The following PCDHA9 variants were observed in gnomAD, a reference collection of about 807,000 sequenced individuals.
The protein encoded by PCDHA9 is protocadherin alpha 9.
In PCDHA9, 62 loss-of-function variants were observed where a neutral mutation model predicts 62.0. The observed-to-expected ratio is 1.00, with a 90% CI of 0.81 to 1.23. The LOEUF (loss-of-function observed/expected upper bound fraction) is 1.23, where lower values mean the gene tolerates loss of function less well. Among genes scored for constraint, PCDHA9 ranks in the 50% most tolerant of loss-of-function variants. The probability of loss-of-function intolerance (pLI) is 0.00; values close to 1 mark genes in which losing one functional copy is unlikely to be tolerated. For missense variants in PCDHA9, 1,205 were observed against 1,249.8 expected, an observed-to-expected ratio of 0.96 and a Z score of 0.54; for synonymous variants, 557 against 567.6, an observed-to-expected ratio of 0.98 and a Z score of 0.27.
chr5:140,889,441 C>G (rs2062226063), intron 1 of PCDHA9, among the ~76,000 whole-genome samples: 2 of 151,842 alleles, frequency 1.3e-5, no homozygotes, highest in African/African-American at 2.4e-5. Flanking sequence ...CAGGTATTTT[C>G]CTGTTTAATC....
chr5:141,010,118 T>C lies in PCDHA9; in HGVS notation c.*181T>C. 6.2e-7 allele frequency: 1 copy of C among 1,608,728 alleles called. No homozygotes were observed. The highest frequency in any genetic ancestry group is 8.5e-7 in the Non-Finnish European group (1 of 1,177,116). ...TTAACAGGTTTTGTCGTAAAAGCTT[T>C]ACTAAGTCTGGTGTTAACTCTTTCT... On this transcript the variant is annotated 3_prime_UTR_variant, in exon 4 of 4. Transcript: ENST00000532602.
At chr5:140,876,433 A>G (rs1562712994) in intron 1 of PCDHA9, 19 of 1,614,000 alleles carry the variant, frequency 1.2e-5, no homozygotes, top group Non-Finnish European at 1.6e-5. Flanking sequence ...AATTCAGGTT[A>G]ACGCCATTGA....
At chr5:140,863,416 C>G (rs782237036) in intron 1 of PCDHA9, 14 of 719,640 alleles carry the variant, frequency 1.9e-5, no homozygotes, top group African/African-American at 3.6e-5. Context: ...GCTGGTGTAC[C>G]GCAGCGTAGT....
intron 1 of PCDHA9, among the ~76,000 whole-genome samples, chr5:140,936,829 CTA>C (rs1370139349): frequency 5.9e-5 from 9 of 152,026 alleles, no homozygotes; most frequent in African/African-American, 1.7e-4. Flanking sequence ...CTTTGCATTT[CTA>C]TATAAATTGT....
intron 1 of PCDHA9, among the ~76,000 whole-genome samples, chr5:140,977,308 A>G (rs2096754925): frequency 6.6e-6 from 1 of 152,230 alleles, no homozygotes; most frequent in South Asian, 2.1e-4. Context: ...CAAGCTAACG[A>G]TAGTGCTCCT....
chr5:140,983,113 A>G (rs2097027812), intron 3 of PCDHA9, among the ~76,000 whole-genome samples: 2 of 152,254 alleles, frequency 1.3e-5, no homozygotes, highest in Admixed American at 6.5e-5. Context: ...CTGCACATCA[A>G]CAACATTCTG....
At chr5:140,943,893 A>AT (rs1364551909) in intron 1 of PCDHA9, among the ~76,000 whole-genome samples, 3 of 152,226 alleles carry the variant, frequency 2.0e-5, no homozygotes, top group Non-Finnish European at 4.4e-5. Flanking sequence ...ACTGGTCATT[A>AT]TGATGTCATG....
At chr5:140,861,535 G>A (rs1014652583) in intron 1 of PCDHA9, 3 of 446,466 alleles carry the variant, frequency 6.7e-6, no homozygotes, top group East Asian at 1.3e-4. Context: ...TCGGAGTGCA[G>A]CATCCACCTG....
At chr5:140,969,235 A>G (rs781795606) in intron 1 of PCDHA9, 2 of 1,614,206 alleles carry the variant, frequency 1.2e-6, no homozygotes, top group Non-Finnish European at 1.7e-6. Flanking sequence ...CGGGAGCCCA[A>G]GCAGCAGTGA....
At chr5:140,945,481 C>T (rs269552) in intron 1 of PCDHA9, among the ~76,000 whole-genome samples, 33,891 of 151,742 alleles carry the variant, frequency 0.22, 4,873 homozygotes, top group African/African-American at 0.41. Flanking sequence ...ACAAAACACC[C>T]CAAATACCCA....
At position 141,009,749 on chromosome 5, in the gene PCDHA9, A is replaced by G. The variant is rs2098414176; in HGVS notation, c.2665A>G (p.Ile889Val). Residue 889 changes from isoleucine to valine, a missense_variant, in exon 4 of 4, where the codon ATT (isoleucine) becomes GTT (valine). Ile to Val is a conservative substitution (Grantham distance 29). Transcript: ENST00000532602. ...SGPGELPDKFIIPGSPAIISI... is the reference protein window; with the variant it reads ...SGPGELPDKFVIPGSPAIISI... The stretch of plus-strand genomic sequence containing the variant: ...TCCCGGTGAGTTGCCCGACAAATTC[A>G]TTATCCCAGGATCTCCTGCAATCAT... 3 of 1,614,200 alleles carry G rather than the reference A, an allele frequency of 1.9e-6. No homozygotes were observed. The highest frequency in any genetic ancestry group is 1.6e-4 in the Middle Eastern group (1 of 6,062).
At chr5:140,948,861 A>G (rs1298940496) in intron 1 of PCDHA9, among the ~76,000 whole-genome samples, 1 of 151,528 alleles carries the variant, frequency 6.6e-6, no homozygotes, top group African/African-American at 2.4e-5. Flanking sequence ...TTCTTATATT[A>G]CTTCGGGTTT....
chr5:140,983,399 G>C (rs1486206101), intron 3 of PCDHA9, among the ~76,000 whole-genome samples: 1 of 152,148 alleles, frequency 6.6e-6, no homozygotes, highest in East Asian at 1.9e-4. Context: ...TTTCAGAAAG[G>C]GAAGATTAAG....
chr5:140,896,074 A>C (rs1251086240), intron 1 of PCDHA9, among the ~76,000 whole-genome samples: 1 of 151,976 alleles, frequency 6.6e-6, no homozygotes, highest in African/African-American at 2.4e-5. Context: ...GCCTCCCAAC[A>C]TGCTGGGATT....
intron 3 of PCDHA9, among the ~76,000 whole-genome samples, chr5:140,997,397 A>G (rs782082443): frequency 4.6e-5 from 7 of 152,194 alleles, no homozygotes; most frequent in African/African-American, 7.2e-5. Flanking sequence ...CTTAGGCTCT[A>G]TCGTATGGCC....
chr5:140,967,665 C>A, intron 1 of PCDHA9: 1 of 1,614,154 alleles, frequency 6.2e-7, no homozygotes, highest in Non-Finnish European at 8.5e-7. Context: ...AGCAGCTACA[C>A]GTCGGACCGG....
chr5:140,959,592 G>A (rs2095498598), intron 1 of PCDHA9, among the ~76,000 whole-genome samples: 2 of 152,162 alleles, frequency 1.3e-5, no homozygotes, highest in South Asian at 4.1e-4. Flanking sequence ...TATCAGCCAA[G>A]TATAACATGC....
At chr5:140,864,277 T>A (rs1203382304) in intron 1 of PCDHA9, 6 of 152,228 alleles carry the variant, frequency 3.9e-5, no homozygotes, top group South Asian at 2.1e-4. Context: ...CTCCATTCCT[T>A]ATTGTTTTTA....
chr5:140,928,540 G>T lies in PCDHA9; in HGVS notation c.2395-50409G>T, dbSNP rs1554205973. 4 of 1,614,094 alleles carry T rather than the reference G, an allele frequency of 2.5e-6. No homozygotes were observed. In the Admixed American group the frequency reaches 5.0e-5, roughly 20 times the overall value. On this transcript the variant is annotated intron_variant, in intron 1 of 3. Coordinates refer to ENST00000532602, the MANE Select transcript of PCDHA9 (RefSeq NM_031857.2). The stretch of plus-strand genomic sequence containing the variant: ...AAACTTGTTTGTGGTAGATAGGAAT[G>T]ACAATTATCCGGTTATCTTGTTTCC...
Sources: gnomAD v4.1 joint callset for allele counts (sites outside exome capture counted in the v4.1 genomes callset) on GRCh38, gnomAD v4.1.1 for gene constraint, MANE v1.5 for transcripts, NCBI Gene and HGNC (gene_info 2026-07-23, HGNC 2026-07-21) for gene names.